DISC1: variants seen among roughly 807,000 people sequenced by gnomAD.
DISC1 encodes disrupted in schizophrenia 1 protein.
In DISC1, 57 loss-of-function variants were observed where a neutral mutation model predicts 84.5. The ratio of observed to expected loss-of-function variants is 0.67; its 90% CI spans 0.55 to 0.84. DISC1 has a LOEUF of 0.84. Ranked by LOEUF, DISC1 falls within the 40% of genes least tolerant of loss-of-function variation. The pLI is 0.00. For missense variants in DISC1, 1,000 were observed against 1,057.8 expected (o/e 0.95, Z 0.76); for synonymous variants, 411 against 415.2 (o/e 0.99, Z 0.12).
chr1:231,773,695 T>G (rs1432620287), intron 6 of DISC1, among the ~76,000 whole-genome samples: 3 of 152,118 alleles, frequency 2.0e-5, no homozygotes, highest in Non-Finnish European at 4.4e-5. Flanking sequence ...ATTGGATAGG[T>G]TCTTGAAAGG....
rs1487172535 is a variant in DISC1 at position 232,026,451 on chromosome 1, C to T, written c.2324C>T (p.Ser775Phe). The T allele has an allele frequency of 6.2e-7, 1 of 1,604,160 alleles. No homozygotes were observed. Among genetic ancestry groups the T allele is most frequent in the Non-Finnish European group, 8.5e-7 (1 of 1,174,916 alleles). The change falls in exon 12 of 13, where the codon TCT becomes TTT. Residue 775 changes from serine to phenylalanine, a missense_variant. Ser to Phe is a radical substitution (Grantham distance 155). Around this residue, in one of 3 missense-constraint regions of DISC1, gnomAD observed 397 missense variants for 377.5 expected, o/e 1.05. Coordinates refer to ENST00000439617, the MANE Select transcript of DISC1 (RefSeq NM_018662.3). ...GEQKEESYILSAELGEKCEDI... is the reference protein window; with the variant it reads ...GEQKEESYILFAELGEKCEDI... ...TCTCGCCAGGAATCTTACATCCTTT[C>T]TGCAGAACTTGGAGAAAAGTGTGAA...
chr1:232,013,386 G>A (rs1303497202), intron 11 of DISC1, among the ~76,000 whole-genome samples: 3 of 152,112 alleles, frequency 2.0e-5, no homozygotes, highest in Non-Finnish European at 4.4e-5. Flanking sequence ...AAGACACAAC[G>A]CAACCAGGTA....
chr1:231,765,535 T>C (rs947829758), intron 4 of DISC1, among the ~76,000 whole-genome samples: 2 of 152,224 alleles, frequency 1.3e-5, no homozygotes, highest in African/African-American at 4.8e-5. Context: ...TTTTAGTTGA[T>C]GGTGTTTTCT....
At chr1:231,986,492 G>A (rs1664461562) in intron 10 of DISC1, among the ~76,000 whole-genome samples, 1 of 152,166 alleles carries the variant, frequency 6.6e-6, no homozygotes, top group South Asian at 2.1e-4. Context: ...AATTGATGGA[G>A]TTGTTTTCTT....
At position 231,784,841 on chromosome 1, in the gene DISC1, G is replaced by C. The variant is rs16854968; in HGVS notation, c.1635-10401G>C. ...GAGGCCCTGGTGCTCCTACCTCTCA[G>C]CTCAGATCTCTCTCCACTGCACCAC... is the stretch of plus-strand genomic sequence containing the variant. On this transcript the variant is annotated intron_variant, in intron 6 of 12. Coordinates refer to ENST00000439617, the MANE Select transcript of DISC1 (RefSeq NM_018662.3). Among the ~76,000 whole-genome samples, 645 of 152,282 alleles carry C rather than the reference G, an allele frequency of 4.2e-3. 6 individuals carry two copies. Among genetic ancestry groups the C allele is most frequent in the African/African-American group, 0.015 (613 of 41,556 alleles).
rs560997587 is a variant in DISC1, at chr1:231,798,497, G to A, written c.1690-1611G>A. On this transcript the variant is annotated intron_variant, in intron 7 of 12. Coordinates refer to ENST00000439617, the MANE Select transcript of DISC1 (RefSeq NM_018662.3). ...AATCAGAAATATTGGACATAGACTG[G>A]ATGAGACATAAGAATTATGGCTGGT... Among the ~76,000 whole-genome samples, 9 of 152,272 alleles carry A rather than the reference G, an allele frequency of 5.9e-5. No homozygotes were observed. The East Asian group carries it at 1.7e-3, about 29-fold the overall frequency.
chr1:231,895,359 A>G (rs2126013890), intron 9 of DISC1, among the ~76,000 whole-genome samples: 1 of 151,806 alleles, frequency 6.6e-6, no homozygotes, highest in South Asian at 2.1e-4. Flanking sequence ...ACTGTCACTC[A>G]CACACTATAT....
intron 10 of DISC1, among the ~76,000 whole-genome samples, chr1:231,960,969 T>C (rs1018581128): frequency 6.6e-6 from 1 of 152,214 alleles, no homozygotes; most frequent in Non-Finnish European, 1.5e-5. Context: ...TACTGGTTTA[T>C]TATAAAGGAG....
At chr1:231,653,712 A>G (rs1276850602) in intron 1 of DISC1, among the ~76,000 whole-genome samples, 3 of 151,912 alleles carry the variant, frequency 2.0e-5, no homozygotes, top group Non-Finnish European at 4.4e-5. Context: ...GAGGGACCCT[A>G]AGTCCCATCC....
chr1:231,783,927 G>C (rs2077626490), intron 6 of DISC1, among the ~76,000 whole-genome samples: 1 of 151,958 alleles, frequency 6.6e-6, no homozygotes, highest in Admixed American at 6.6e-5. Flanking sequence ...TATGATATGA[G>C]TTACATGGGT....
At chr1:231,804,801 C>G (rs2125670842) in intron 8 of DISC1, among the ~76,000 whole-genome samples, 1 of 152,216 alleles carries the variant, frequency 6.6e-6, no homozygotes, top group South Asian at 2.1e-4. Flanking sequence ...CCAGGATACA[C>G]AGAGCTCTGA....
At chr1:231,677,595 T>A (rs555592900) in intron 1 of DISC1, among the ~76,000 whole-genome samples, 1 of 152,346 alleles carries the variant, frequency 6.6e-6, no homozygotes, top group East Asian at 1.9e-4. Flanking sequence ...GTATGGGGAT[T>A]ATCCCCATTT....
At chr1:231,651,912 C>T (rs2060658475) in intron 1 of DISC1, among the ~76,000 whole-genome samples, 1 of 152,364 alleles carries the variant, frequency 6.6e-6, no homozygotes, top group South Asian at 2.1e-4. Context: ...AGGATGTAAT[C>T]TCTTGGTGTG....
chr1:231,778,552 C>T (rs1224273231), intron 6 of DISC1, among the ~76,000 whole-genome samples: 1 of 152,194 alleles, frequency 6.6e-6, no homozygotes, highest in Non-Finnish European at 1.5e-5. Context: ...GCCTGCTTTC[C>T]AAGCACTGCT....
chr1:231,767,439 G>A (rs1442966138), intron 5 of DISC1, among the ~76,000 whole-genome samples, 170 bp downstream of exon 5: 1 of 152,192 alleles, frequency 6.6e-6, no homozygotes, highest in Non-Finnish European at 1.5e-5. Flanking sequence ...TGGATCTACA[G>A]GTGTGAACCC....
At chr1:231,740,000 G>C (rs12069489) in intron 3 of DISC1, among the ~76,000 whole-genome samples, 40,919 of 151,992 alleles carry the variant, frequency 0.27, 6,136 homozygotes, top group East Asian at 0.44. Flanking sequence ...GAGGGTGGAG[G>C]CTTCATGAAT....
intron 10 of DISC1, among the ~76,000 whole-genome samples, chr1:231,990,653 C>T (rs1665082599): frequency 6.6e-6 from 1 of 152,116 alleles, no homozygotes; most frequent in Admixed American, 6.6e-5. Flanking sequence ...AAAGGAGTCA[C>T]GTGTGGGCTT....
chr1:231,799,937 CTTCT>C (rs1315389367), intron 7 of DISC1, among the ~76,000 whole-genome samples, 167 bp from the exon 8 acceptor site: 1 of 106,976 alleles, frequency 9.3e-6, no homozygotes, highest in Non-Finnish European at 1.9e-5. Flanking sequence ...TTCTCCCTCT[CTTCT>C]TTGTCTTTCT....
At chr1:232,030,717 C>T (rs1039272965) in intron 12 of DISC1, among the ~76,000 whole-genome samples, 5 of 152,308 alleles carry the variant, frequency 3.3e-5, no homozygotes, top group Admixed American at 2.6e-4. Flanking sequence ...TTTTGGGAGA[C>T]TGTCCTGCCT....
Sources: allele counts gnomAD v4.1 joint callset (sites outside exome capture counted in the v4.1 genomes callset), GRCh38; gene constraint gnomAD v4.1.1; regional missense constraint gnomAD v4.1.1; transcripts MANE v1.5; gene names NCBI Gene and HGNC (gene_info 2026-07-23, HGNC 2026-07-21).